Variants in ZMAT4 observed in about 807,000 individuals in gnomAD.
ZMAT4 encodes the protein zinc finger matrin-type 4, also known as zinc finger matrin-type protein 4.
A neutral mutation model predicts 28.7 loss-of-function variants in ZMAT4; 17 were observed. The observed-to-expected ratio is 0.59, with a 90% CI of 0.41 to 0.89. ZMAT4 has a LOEUF of 0.89. Among genes scored for constraint, ZMAT4 ranks in the 40% least tolerant of loss-of-function variants. The probability of loss-of-function intolerance (pLI) is 0.00; values close to 1 mark genes in which losing one functional copy is unlikely to be tolerated. For missense variants in ZMAT4, 240 were observed against 283.8 expected (o/e 0.85, Z 1.11); for synonymous variants, 117 against 109.2 (o/e 1.07, Z -0.44).
intron 5 of ZMAT4, among the ~76,000 whole-genome samples, chr8:40,624,905 T>C (rs1442517579): frequency 6.6e-6 from 1 of 152,114 alleles, no homozygotes; most frequent in African/African-American, 2.4e-5. Flanking sequence ...GCTTAGCATG[T>C]GATGGGTGGT....
At chr8:40,599,595 A>G (rs952160704) in intron 5 of ZMAT4, among the ~76,000 whole-genome samples, 2 of 152,338 alleles carry the variant, frequency 1.3e-5, no homozygotes, top group East Asian at 1.9e-4. Context: ...CTGATGAAAT[A>G]CCATCTTAAG....
At chr8:40,713,765 C>T (rs1450502056) in intron 3 of ZMAT4, among the ~76,000 whole-genome samples, 2 of 151,334 alleles carry the variant, frequency 1.3e-5, no homozygotes, top group African/African-American at 4.9e-5. Context: ...AAAAATTAGC[C>T]TGGTGTGGTG....
intron 5 of ZMAT4, among the ~76,000 whole-genome samples, chr8:40,616,194 C>A (rs1391654593): frequency 1.3e-5 from 2 of 152,230 alleles, no homozygotes. Context: ...GAGATACCAT[C>A]TCACACCAGT....
intron 4 of ZMAT4, among the ~76,000 whole-genome samples, chr8:40,695,495 A>T (rs549339861): frequency 6.6e-6 from 1 of 152,270 alleles, no homozygotes; most frequent in South Asian, 2.1e-4. Flanking sequence ...GGTGCACCAC[A>T]CCCTATTCGT....
At chr8:40,700,798 ATTC>A (rs532381346) in intron 3 of ZMAT4, among the ~76,000 whole-genome samples, 1 of 152,138 alleles carries the variant, frequency 6.6e-6, no homozygotes, top group African/African-American at 2.4e-5. Flanking sequence ...TGCCTTGTAC[ATTC>A]TTCTTCTACA....
chr8:40,809,678 A>T (rs954727850), intron 2 of ZMAT4, among the ~76,000 whole-genome samples: 4 of 152,222 alleles, frequency 2.6e-5, no homozygotes, highest in African/African-American at 2.4e-5. Flanking sequence ...CTGAAATTTT[A>T]ATATAGAAAT....
At chr8:40,787,287 C>G (rs751532724) in intron 2 of ZMAT4, among the ~76,000 whole-genome samples, 19 of 152,136 alleles carry the variant, frequency 1.2e-4, no homozygotes, top group Non-Finnish European at 1.3e-4. Context: ...CAGTGGGTGC[C>G]TGAAACTACA....
chr8:40,581,081 A>G (rs1804448553), intron 6 of ZMAT4, 84 bp downstream of exon 6: 1 of 1,114,922 alleles, frequency 9.0e-7, no homozygotes, highest in East Asian at 2.4e-5. Context: ...ACTTATTTAG[A>G]AATAGATGAA....
chr8:40,892,950 C>T (rs1441794829), intron 1 of ZMAT4, among the ~76,000 whole-genome samples: 1 of 152,210 alleles, frequency 6.6e-6, no homozygotes, highest in African/African-American at 2.4e-5. Flanking sequence ...CCCTGCTTAT[C>T]CGTTTCCTAA....
intron 5 of ZMAT4, among the ~76,000 whole-genome samples, chr8:40,602,986 A>G (rs1428019218): frequency 2.0e-5 from 3 of 152,154 alleles, no homozygotes; most frequent in African/African-American, 7.2e-5. Context: ...TCTTTGTCCA[A>G]GCCAATGTCT....
At chr8:40,648,540 C>T (rs1446010180) in intron 5 of ZMAT4, among the ~76,000 whole-genome samples, 1 of 145,846 alleles carries the variant, frequency 6.9e-6, no homozygotes, top group African/African-American at 2.5e-5. Context: ...TCTAGCAAGG[C>T]AGGCCAACGT....
intron 5 of ZMAT4, among the ~76,000 whole-genome samples, chr8:40,657,669 AG>A (rs1364963775): frequency 6.6e-6 from 1 of 152,192 alleles, no homozygotes; most frequent in African/African-American, 2.4e-5. Context: ...ATATGTTCTT[AG>A]AAATTGTGAC....
chr8:40,728,614 A>T (rs1390814671), intron 3 of ZMAT4, among the ~76,000 whole-genome samples: 1 of 152,202 alleles, frequency 6.6e-6, no homozygotes, highest in Non-Finnish European at 1.5e-5. Context: ...TGGGAGACAA[A>T]ATTGCCTCTG....
At chr8:40,596,456 C>A (rs1805107440) in intron 5 of ZMAT4, among the ~76,000 whole-genome samples, 1 of 152,060 alleles carries the variant, frequency 6.6e-6, no homozygotes, top group African/African-American at 2.4e-5. Context: ...TATTCTTATT[C>A]TATAAGATTT....
chr8:40,862,086 T>C (rs1468293639), intron 1 of ZMAT4, among the ~76,000 whole-genome samples: 2 of 152,122 alleles, frequency 1.3e-5, no homozygotes, highest in African/African-American at 4.8e-5. Flanking sequence ...ACCCAAAGGA[T>C]TATAAATCAT....
chr8:40,601,445 G>GAAGGGAGGAAGA (rs1805309697), intron 5 of ZMAT4, among the ~76,000 whole-genome samples: 1 of 100,976 alleles, frequency 9.9e-6, no homozygotes, highest in Non-Finnish European at 1.9e-5. Flanking sequence ...AGGAAGGAAG[G>GAAGGGAGGAAGA]AAGGAAGGAA....
At chr8:40,892,663 TCTG>T (rs1235336832) in intron 1 of ZMAT4, among the ~76,000 whole-genome samples, 1 of 152,236 alleles carries the variant, frequency 6.6e-6, no homozygotes, top group Admixed American at 6.5e-5. Context: ...TGGTCCTCCC[TCTG>T]CTATCAGCTC....
intron 4 of ZMAT4, among the ~76,000 whole-genome samples, chr8:40,690,380 T>C (rs1809609242): frequency 6.6e-6 from 1 of 152,208 alleles, no homozygotes; most frequent in Non-Finnish European, 1.5e-5. Flanking sequence ...AATCTGTGAA[T>C]CTATTACTTA....
intron 5 of ZMAT4, among the ~76,000 whole-genome samples, chr8:40,628,406 C>T (rs933432938): frequency 5.3e-5 from 8 of 152,142 alleles, no homozygotes; most frequent in African/African-American, 1.9e-4. Flanking sequence ...ATTTTGTCTT[C>T]GTAATAACCT....
Sources: allele counts gnomAD v4.1 joint callset (sites outside exome capture counted in the v4.1 genomes callset), GRCh38; gene constraint gnomAD v4.1.1; transcripts MANE v1.5; gene names NCBI Gene and HGNC (gene_info 2026-07-23, HGNC 2026-07-21).